The following FHL2 variants were observed in gnomAD, a reference collection of about 807,000 sequenced individuals.
FHL2 encodes four and a half LIM domains 2, also known as four and a half LIM domains protein 2.
FHL2 carries 20 observed loss-of-function variants against 32.7 expected under a neutral mutation model. That is an observed-to-expected ratio of 0.61 (90% CI 0.43 to 0.89). The LOEUF (loss-of-function observed/expected upper bound fraction) is 0.89. Among genes scored for constraint, FHL2 ranks in the 40% least tolerant of loss-of-function variants. FHL2 has a pLI of 0.00. For missense variants in FHL2, 311 were observed against 358.6 expected (o/e 0.87, Z 1.07); for synonymous variants, 123 against 128.1 (o/e 0.96, Z 0.27).
At chr2:105,421,350 G>C (rs1203358083) in intron 1 of FHL2, among the ~76,000 whole-genome samples, 1 of 152,182 alleles carries the variant, frequency 6.6e-6, no homozygotes, top group Non-Finnish European at 1.5e-5. Context: ...CAACCCAAAA[G>C]CCTGGTCACT....
At chr2:105,414,710 G>A (rs977640036) in intron 1 of FHL2, among the ~76,000 whole-genome samples, 33 of 152,218 alleles carry the variant, frequency 2.2e-4, no homozygotes, top group African/African-American at 6.5e-4. Flanking sequence ...ACGCTACCAT[G>A]TCCAGCTAAT....
chr2:105,407,109 G>A (rs890933567), intron 1 of FHL2, among the ~76,000 whole-genome samples: 1 of 152,172 alleles, frequency 6.6e-6, no homozygotes, highest in South Asian at 2.1e-4. Flanking sequence ...AAATGCCTAA[G>A]CTGCTGGGCG....
intron 2 of FHL2, among the ~76,000 whole-genome samples, 166 bp downstream of exon 2, chr2:105,396,481 A>G (rs1683137920): frequency 6.6e-6 from 1 of 152,170 alleles, no homozygotes; most frequent in Admixed American, 6.5e-5. Flanking sequence ...CTACCCATTC[A>G]TATGTCAATC....
At chr2:105,416,902 A>G (rs1273186074) in intron 1 of FHL2, among the ~76,000 whole-genome samples, 1 of 152,222 alleles carries the variant, frequency 6.6e-6, no homozygotes, top group Admixed American at 6.5e-5. Flanking sequence ...TTGGGAAAAT[A>G]TCTACTGCCA....
At chr2:105,396,903 T>TTAGCGACTCAGGCC in intron 1 of FHL2, 1 of 566,502 alleles carries the variant, frequency 1.8e-6, no homozygotes, top group South Asian at 2.3e-5. Context: ...AGAGAGCCGC[T>TTAGCGACTCAGGCC]TAGCGACTCA....
At chr2:105,419,531 A>G (rs1684036923) in intron 1 of FHL2, among the ~76,000 whole-genome samples, 1 of 152,222 alleles carries the variant, frequency 6.6e-6, no homozygotes, top group Non-Finnish European at 1.5e-5. Flanking sequence ...AACTCTTGTC[A>G]CTGGAAACAG....
chr2:105,380,367 TTCTA>T (rs1681800002), intron 3 of FHL2, among the ~76,000 whole-genome samples: 2 of 152,312 alleles, frequency 1.3e-5, no homozygotes, highest in South Asian at 2.1e-4. Context: ...TTTTCTTTTC[TTCTA>T]TCTATCTGTT....
chr2:105,384,017 A>G (rs1682108627), intron 3 of FHL2, among the ~76,000 whole-genome samples: 2 of 152,212 alleles, frequency 1.3e-5, no homozygotes, highest in African/African-American at 4.8e-5. Context: ...TTATTTGCTC[A>G]TAAAACATGC....
chr2:105,390,180 G>A (rs1220839373), intron 2 of FHL2: 2 of 157,134 alleles, frequency 1.3e-5, no homozygotes, highest in Non-Finnish European at 2.8e-5. Context: ...GCAGTGAGCT[G>A]AGATCGTGCC....
intron 1 of FHL2, among the ~76,000 whole-genome samples, chr2:105,406,094 A>C (rs773691889): frequency 2.0e-5 from 3 of 152,206 alleles, no homozygotes; most frequent in Non-Finnish European, 4.4e-5. Context: ...AGGTACTTTA[A>C]AATTGGACCT....
At chr2:105,425,360 G>A (rs911098644) in intron 1 of FHL2, among the ~76,000 whole-genome samples, 13 of 151,328 alleles carry the variant, frequency 8.6e-5, no homozygotes, top group South Asian at 4.2e-4. Flanking sequence ...GCAGAAAGCC[G>A]CAGGGAACTC....
chr2:105,428,510 T>C (rs35247351), intron 1 of FHL2, among the ~76,000 whole-genome samples: 4,238 of 152,302 alleles, frequency 0.028, 126 homozygotes, highest in East Asian at 0.14. Context: ...CCCTGAGAGG[T>C]TGGGCTCCTC....
upstream of FHL2, among the ~76,000 whole-genome samples, chr2:105,400,686 A>ATT (rs57296524): frequency 0.18 from 23,631 of 132,714 alleles, 2,346 homozygotes; most frequent in Middle Eastern, 0.29. Context: ...TTATATTTTA[A>ATT]TTTTTTTTTT....
At chr2:105,368,063 A>T (rs1680762486) in intron 4 of FHL2, among the ~76,000 whole-genome samples, 1 of 152,184 alleles carries the variant, frequency 6.6e-6, no homozygotes, top group Non-Finnish European at 1.5e-5. Context: ...GTATAAAGAG[A>T]AGTGTGGCAT....
intron 2 of FHL2, among the ~76,000 whole-genome samples, chr2:105,389,442 G>T (rs1260460269): frequency 6.6e-6 from 1 of 152,164 alleles, no homozygotes; most frequent in African/African-American, 2.4e-5. Flanking sequence ...GTGTGATTTA[G>T]CTGTGGGACA....
rs147914776 is a variant in FHL2 at position 105,434,849 on chromosome 2, C to T, written c.-25+3550G>A. Among the ~76,000 whole-genome samples the T allele has an allele frequency of 2.8e-3, 427 of 152,104 alleles. 2 individuals are homozygous for T. The highest frequency in any genetic ancestry group is 9.2e-3 in the African/African-American group (382 of 41,490). On this transcript the variant is annotated intron_variant, in intron 1 of 5. Coordinates refer to the FHL2 transcript ENST00000393352. ...TTTCAAACTCCTGGGCTCAACCAAT[C>T]CTCTCACCTCAGCCTCCGAAACTAG...
chr2:105,380,492 G>T (rs986044132), intron 3 of FHL2, among the ~76,000 whole-genome samples: 4 of 152,134 alleles, frequency 2.6e-5, no homozygotes, highest in African/African-American at 9.7e-5. Flanking sequence ...GCCTCCCAAA[G>T]TGCTGGAATT....
At chr2:105,391,618 G>C (rs147914341) in intron 2 of FHL2, among the ~76,000 whole-genome samples, 1 of 152,198 alleles carries the variant, frequency 6.6e-6, no homozygotes, top group African/African-American at 2.4e-5. Context: ...GGACAGCCCA[G>C]TGAAAGTTTA....
intron 3 of FHL2, among the ~76,000 whole-genome samples, chr2:105,384,565 T>C (rs1177070138): frequency 6.6e-6 from 1 of 152,134 alleles, no homozygotes; most frequent in East Asian, 1.9e-4. Flanking sequence ...TGGAGTGCAG[T>C]GGCATGATCT....
Sources: allele counts gnomAD v4.1 joint callset (sites outside exome capture counted in the v4.1 genomes callset), GRCh38; gene constraint gnomAD v4.1.1; transcripts MANE v1.5; gene names NCBI Gene and HGNC (gene_info 2026-07-23, HGNC 2026-07-21).